Variants in SCARB2 observed in about 807,000 individuals in gnomAD.
SCARB2 encodes scavenger receptor class B member 2, also known as lysosome membrane protein 2.
A neutral mutation model predicts 58.6 loss-of-function variants in SCARB2; 29 were observed. The observed-to-expected ratio is 0.49, with a 90% CI of 0.37 to 0.67. SCARB2 has a LOEUF of 0.67. Ranked by LOEUF, SCARB2 falls within the 30% of genes least tolerant of loss-of-function variation. The pLI is 0.00. For synonymous variants in SCARB2, 195 were observed against 210.1 expected (o/e 0.93, Z 0.62); for missense variants, 488 against 578.5 (o/e 0.84, Z 1.60).
At position 76,177,796 on chromosome 4, in the gene SCARB2, T is replaced by G. The variant is rs1447800434; in HGVS notation, c.613-1268A>C. Among the ~76,000 whole-genome samples the G allele has an allele frequency of 3.3e-5, 5 of 152,188 alleles. No individual in the cohort carries two copies. The East Asian group carries it at 9.6e-4, about 29-fold the overall frequency. ...CACAGAAGGGCATATATTATATGAC[T>G]CCATTTATATGAGATGTCCAGAATA... On this transcript the variant is annotated intron_variant, in intron 4 of 11. Transcript: ENST00000264896.
At chr4:76,161,848 G>C (rs1731906040) in intron 11 of SCARB2, 97 bp from the exon 12 acceptor site, 1 of 1,153,648 alleles carries the variant, frequency 8.7e-7, no homozygotes. Flanking sequence ...ATGGAAGGAG[G>C]AGAGACCTAT....
intron 1 of SCARB2, among the ~76,000 whole-genome samples, chr4:76,197,776 G>T (rs533433717): frequency 1.3e-5 from 2 of 152,162 alleles, no homozygotes; most frequent in Admixed American, 6.5e-5. Context: ...TCGAGAATTT[G>T]TATCAGTTAT....
At chr4:76,214,994 G>C (rs2109976043), upstream of SCARB2, among the ~76,000 whole-genome samples, 1 of 152,352 alleles carries the variant, frequency 6.6e-6, no homozygotes, top group Non-Finnish European at 1.5e-5. Context: ...AAGGCCATTG[G>C]GGTGGGGAAT....
At chr4:76,211,661 G>C (rs189941028) in intron 1 of SCARB2, among the ~76,000 whole-genome samples, 36 of 152,294 alleles carry the variant, frequency 2.4e-4, no homozygotes, top group African/African-American at 8.2e-4. Context: ...TAGGTTTCAT[G>C]CCCAGGAGTG....
At chr4:76,196,747 C>T (rs112191618) in intron 1 of SCARB2, among the ~76,000 whole-genome samples, 64 of 152,336 alleles carry the variant, frequency 4.2e-4, no homozygotes, top group African/African-American at 1.5e-3. Flanking sequence ...ACCAGGAGGC[C>T]TAGCCTCACT....
chr4:76,199,689 T>C (rs953992954), intron 1 of SCARB2, among the ~76,000 whole-genome samples: 5 of 152,238 alleles, frequency 3.3e-5, no homozygotes, highest in African/African-American at 1.2e-4. Flanking sequence ...AGTTGGACTC[T>C]GAACTCTCAG....
intron 8 of SCARB2, among the ~76,000 whole-genome samples, chr4:76,169,402 CAAAT>C (rs1442095884): frequency 6.6e-6 from 1 of 151,964 alleles, no homozygotes; most frequent in African/African-American, 2.4e-5. Context: ...AATAAACTCT[CAAAT>C]AACCTGTAGA....
At chr4:76,223,810 T>C (rs1733349271) in intron 1 of SCARB2, among the ~76,000 whole-genome samples, 1 of 152,068 alleles carries the variant, frequency 6.6e-6, no homozygotes, top group African/African-American at 2.4e-5. Flanking sequence ...ACTCTCCACC[T>C]CACTAAAAGG....
Position 76,181,121 on chromosome 4 carries a change from T to A in SCARB2, c.276-20A>T. 1 of 1,611,640 alleles carries A rather than the reference T, an allele frequency of 6.2e-7. No homozygotes were observed. The highest frequency in any genetic ancestry group is 8.5e-7 in the Non-Finnish European group (1 of 1,178,922). On this transcript the variant is annotated intron_variant, in intron 2 of 11. Transcript: ENST00000264896. The stretch of plus-strand genomic sequence containing the variant: ...AGTTCCCTAAAAGAAAGAAAAGGGT[T>A]TTATTTGAAAATAGACACCACTTTA...
intron 6 of SCARB2, chr4:76,175,238 CG>C (rs1316629973): frequency 6.3e-6 from 1 of 158,206 alleles, no homozygotes; most frequent in African/African-American, 2.4e-5. Flanking sequence ...AACCTGTCTA[CG>C]TAATGCTCTT....
chr4:76,173,647 T>G, intron 7 of SCARB2: 1 of 175,914 alleles, frequency 5.7e-6, no homozygotes, highest in Non-Finnish European at 1.2e-5. Context: ...CTTAGCATTG[T>G]TTTGAACATG....
chr4:76,213,451 C>G lies in SCARB2; in HGVS notation c.93G>C (p.Lys31Asn), dbSNP rs558215488. 1 of 1,610,628 alleles carries G rather than the reference C, an allele frequency of 6.2e-7. No homozygotes were observed. The highest frequency in any genetic ancestry group is 1.7e-5 in the Admixed American group (1 of 59,662). Residue 31 changes from lysine (K) to asparagine (N), a missense_variant, in exon 1 of 12, where the codon AAG becomes AAC. Coordinates refer to ENST00000264896, the MANE Select transcript of SCARB2 (RefSeq NM_005506.4). ...VTLLVARVFQ[K>N]AVDQSIEKKI... ...CCTTCTCGATACTCTGGTCTACAGC[C>G]TTCTGGAAGACCCGGGCCACCAGCA... is the stretch of plus-strand genomic sequence containing the variant.
chr4:76,185,093 C>T (rs918495723), intron 2 of SCARB2, among the ~76,000 whole-genome samples: 14 of 152,178 alleles, frequency 9.2e-5, no homozygotes, highest in Admixed American at 7.9e-4. Flanking sequence ...GGATTCAGGA[C>T]CAATCGAAAG....
intron 2 of SCARB2, among the ~76,000 whole-genome samples, chr4:76,182,815 A>G (rs1158774417): frequency 2.0e-5 from 3 of 152,262 alleles, no homozygotes; most frequent in South Asian, 2.1e-4. Flanking sequence ...TAAACCCATC[A>G]TAAGTTGAAA....
chr4:76,165,575 A>G (rs1731990024), intron 10 of SCARB2: 1 of 152,214 alleles, frequency 6.6e-6, no homozygotes, highest in African/African-American at 2.4e-5. Context: ...TGTACAACAC[A>G]TTGAGTAAAA....
chr4:76,170,971 T>TATATATATATATATATATATATAA (rs34900504), intron 7 of SCARB2, among the ~76,000 whole-genome samples: 22 of 133,896 alleles, frequency 1.6e-4, no homozygotes, highest in Admixed American at 3.1e-4. Context: ...TATATATATA[T>TATATATATATATATATATATATAA]AACCAAATAG....
At chr4:76,201,997 T>G (rs1239168947) in intron 1 of SCARB2, among the ~76,000 whole-genome samples, 1 of 152,194 alleles carries the variant, frequency 6.6e-6, no homozygotes, top group African/African-American at 2.4e-5. Flanking sequence ...CCTTCTCATT[T>G]TATTGGTGAA....
At chr4:76,200,536 C>T (rs1035436368) in intron 1 of SCARB2, among the ~76,000 whole-genome samples, 2 of 152,160 alleles carry the variant, frequency 1.3e-5, no homozygotes, top group African/African-American at 4.8e-5. Context: ...TCTATGTGCC[C>T]GGACTATGCC....
chr4:76,198,841 A>AGTGAGTGTGT lies in SCARB2; in HGVS notation c.118-2978_118-2977insACACACTCAC, dbSNP rs1259886166. Among the ~76,000 whole-genome samples, 313 of 141,110 alleles carry AGTGAGTGTGT rather than the reference A, an allele frequency of 2.2e-3. 1 individual carries two copies. Among genetic ancestry groups the AGTGAGTGTGT allele is most frequent in the African/African-American group, 7.9e-3 (283 of 35,632 alleles). The allele number at this position is 141,110 out of a possible 152,430, so 92.6% of individuals were successfully genotyped here. On this transcript the variant is annotated intron_variant, in intron 1 of 11. Coordinates refer to ENST00000264896, the MANE Select transcript of SCARB2 (RefSeq NM_005506.4). ...TAGATCACGTGCTGGAGAGTGAGTG[A>AGTGAGTGTGT]GTGTGTGTGTGTGTGTGTGTGTGTG...
Sources: gnomAD v4.1 joint callset for allele counts (sites outside exome capture counted in the v4.1 genomes callset) on GRCh38, gnomAD v4.1.1 for gene constraint, MANE v1.5 for transcripts, NCBI Gene and HGNC (gene_info 2026-07-23, HGNC 2026-07-21) for gene names.